NCOR1: variants seen among roughly 807,000 people sequenced by gnomAD.
NCOR1 encodes protein phosphatase 1, regulatory subunit 109.
In NCOR1, 63 loss-of-function variants were observed where a neutral mutation model predicts 288.1. The observed-to-expected ratio is 0.22, with a 90% CI of 0.18 to 0.27. NCOR1 has a LOEUF of 0.27. Among genes scored for constraint, NCOR1 ranks in the 10% least tolerant of loss-of-function variants. The pLI is 1.00. For missense variants in NCOR1, 2,397 were observed against 3,019.2 expected, an observed-to-expected ratio of 0.79 and a Z score of 4.83; for synonymous variants, 1,007 against 1,065.9, an observed-to-expected ratio of 0.94 and a Z score of 1.08.
At chr17:16,213,217 G>A (rs971190484) in intron 1 of NCOR1, among the ~76,000 whole-genome samples, 2 of 151,984 alleles carry the variant, frequency 1.3e-5, no homozygotes, top group Non-Finnish European at 1.5e-5. Flanking sequence ...AATAAGCCAG[G>A]CACGGTGGCT....
intron 1 of NCOR1, among the ~76,000 whole-genome samples, chr17:16,214,293 T>C (rs2092377954): frequency 6.6e-6 from 1 of 152,162 alleles, no homozygotes; most frequent in African/African-American, 2.4e-5. Flanking sequence ...CACAGGACAA[T>C]CACATGTGAC....
rs1421588738 is a variant in NCOR1 at position 16,080,515 on chromosome 17, G to A, written c.3299-6C>T. On this transcript the variant is annotated splice_region_variant and splice_polypyrimidine_tract_variant and intron_variant, in intron 24 of 45. Coordinates refer to ENST00000268712, the MANE Select transcript of NCOR1 (RefSeq NM_006311.4). ...CTTGATGTAGGGCAAAGTAGCTGTGGAAAGGCAGAGAAACATGAAACAATC... is the reference window on the plus strand; with the variant it reads ...CTTGATGTAGGGCAAAGTAGCTGTGAAAAGGCAGAGAAACATGAAACAATC... 2 of 1,613,742 alleles carry A rather than the reference G, an allele frequency of 1.2e-6. No individual in the cohort carries two copies. The highest frequency in any genetic ancestry group is 1.7e-6 in the Non-Finnish European group (2 of 1,179,888).
rs774805849 is a variant in NCOR1 at position 16,101,225 on chromosome 17, G to A, written c.2690+25C>T. On this transcript the variant is annotated intron_variant, in intron 20 of 45. Transcript: ENST00000268712. ...TCACCAACCAGCAGAGTAAGCACGG[G>A]GAGGACTTATGGAACGAGCCTCACC... The A allele has an allele frequency of 1.9e-5, 30 of 1,549,272 alleles. 1 individual carries two copies. The highest frequency in any genetic ancestry group is 2.7e-5 in the African/African-American group (2 of 72,884).
chr17:16,070,595 C>T, intron 30 of NCOR1, 70 bp from the exon 31 acceptor site: 2 of 1,557,302 alleles, frequency 1.3e-6, no homozygotes, highest in East Asian at 4.5e-5. Flanking sequence ...AGGTCTATGT[C>T]TGGCCCATGG....
intron 4 of NCOR1, among the ~76,000 whole-genome samples, chr17:16,170,503 A>G (rs940539902): frequency 4.3e-4 from 65 of 152,280 alleles, no homozygotes; most frequent in African/African-American, 1.5e-3. Context: ...GGCACTTCCT[A>G]ATCTGCAGAA....
Position 16,126,196 on chromosome 17 carries a change from C to A in NCOR1, c.1520G>T (p.Arg507Leu), listed in dbSNP as rs1236163980. The A allele has an allele frequency of 6.6e-7, 1 of 1,512,530 alleles. No individual in the cohort carries two copies. Among genetic ancestry groups the A allele is most frequent in the Non-Finnish European group, 8.8e-7 (1 of 1,135,418 alleles). 93.7% of individuals were successfully genotyped at this position (1,512,530 alleles called of 1,614,324 possible). A position where few individuals can be genotyped will look rare whatever the true frequency, so the allele number is the denominator to read the frequency against. The change falls in exon 15 of 46, where the codon CGA becomes CTA. Residue 507 changes from arginine to leucine, a missense_variant. Coordinates refer to ENST00000268712, the MANE Select transcript of NCOR1 (RefSeq NM_006311.4). ...TTCTACTTTTTCTTCTTGCGAGGGTCGAGCAATTTGCTGCTAGAATGAACC... is the reference window on the plus strand; with the variant it reads ...TTCTACTTTTTCTTCTTGCGAGGGTAGAGCAATTTGCTGCTAGAATGAACC... Reference protein sequence around the residue: ...KRRGRNQQIARPSQEEKVEEK... With the variant: ...KRRGRNQQIALPSQEEKVEEK...
intron 21 of NCOR1, among the ~76,000 whole-genome samples, chr17:16,092,681 ATATATATATATATATTTTTT>A (rs1176431872): frequency 3.0e-4 from 6 of 19,942 alleles, no homozygotes; most frequent in East Asian, 2.9e-3. Flanking sequence ...ATATATATAT[ATATATATATATATATTTTTT>A]TTTTTTTTTT....
At chr17:16,069,435 A>G (rs561122653) in intron 31 of NCOR1, among the ~76,000 whole-genome samples, 1 of 152,308 alleles carries the variant, frequency 6.6e-6, no homozygotes, top group East Asian at 1.9e-4. Context: ...GTACCATGTG[A>G]GCCATCAATA....
At chr17:16,211,644 C>T (rs936690504) in intron 1 of NCOR1, among the ~76,000 whole-genome samples, 6 of 151,902 alleles carry the variant, frequency 3.9e-5, no homozygotes, top group Admixed American at 2.6e-4. Context: ...TAGGAACATT[C>T]GCAGTGTTTC....
chr17:16,169,584 G>GA (rs1043102011), intron 4 of NCOR1, among the ~76,000 whole-genome samples: 1 of 151,984 alleles, frequency 6.6e-6, no homozygotes, highest in African/African-American at 2.4e-5. Flanking sequence ...CACTTTAGGG[G>GA]AAAAAAAGCA....
intron 1 of NCOR1, among the ~76,000 whole-genome samples, chr17:16,213,165 C>A (rs149307002): frequency 9.5e-4 from 144 of 151,428 alleles, no homozygotes; most frequent in African/African-American, 3.3e-3. Flanking sequence ...AGGCAAAACA[C>A]AAATTTTACT....
intron 33 of NCOR1, 145 bp from the exon 34 acceptor site, chr17:16,065,164 TAAGACATTCTTTAAAG>T: frequency 1.2e-6 from 1 of 817,856 alleles, no homozygotes; most frequent in Non-Finnish European, 1.9e-6. Flanking sequence ...CATTACTTTT[TAAGACATTCTTTAAAG>T]AAGGATATTA....
At chr17:16,132,330 A>G (rs1018512509) in intron 14 of NCOR1, among the ~76,000 whole-genome samples, 3 of 152,222 alleles carry the variant, frequency 2.0e-5, no homozygotes, top group Admixed American at 6.5e-5. Context: ...GACTTACCAG[A>G]TGGCAGTTTA....
At chr17:16,208,367 G>A (rs2091802045) in intron 1 of NCOR1, among the ~76,000 whole-genome samples, 1 of 151,454 alleles carries the variant, frequency 6.6e-6, no homozygotes, top group Non-Finnish European at 1.5e-5. Flanking sequence ...CAACCGTTCT[G>A]TATTTCTAAC....
At position 16,092,422 on chromosome 17, in the gene NCOR1, G is replaced by A. The variant is rs770416292; in HGVS notation, c.2821-364C>T. ...GAATCACTTGAGCCTGGGAGGCAGA[G>A]GTTGCAGTGGGCTGAGATTGCACCA... On this transcript the variant is annotated intron_variant, in intron 21 of 45. Transcript: ENST00000268712. Among the ~76,000 whole-genome samples the A allele has an allele frequency of 6.6e-5, 10 of 151,996 alleles. No individual in the cohort carries two copies. In the South Asian group the frequency reaches 1.0e-3, roughly 16 times the overall value.
chr17:16,058,520 C>A lies in NCOR1; in HGVS notation c.5961G>T (p.Glu1987Asp). 1 of 1,614,166 alleles carries A rather than the reference C, an allele frequency of 6.2e-7. No homozygotes were observed. The highest frequency in any genetic ancestry group is 8.5e-7 in the Non-Finnish European group (1 of 1,180,014). Residue 1987 changes from glutamate to aspartate, a missense_variant, in exon 38 of 46, where the codon GAG (glutamate) becomes GAT (aspartate). By Grantham distance (45) the Glu-to-Asp change is conservative. This residue lies in a region of NCOR1 where 1,872 missense variants were observed against 2,187.8 expected (regional missense o/e 0.86). Transcript: ENST00000268712. ...CCTCTGGCTGATAGGTCTGCAGTTT[C>A]TCCTGGGGTGGCGCAGGTGAGCTGG... ...SPASSPAPPQ[E>D]KLQTYQPEVV...
intron 26 of NCOR1, among the ~76,000 whole-genome samples, chr17:16,079,468 A>C (rs888625709): frequency 1.3e-5 from 2 of 152,210 alleles, no homozygotes; most frequent in African/African-American, 2.4e-5. Flanking sequence ...AAATTTTATT[A>C]ATCAAAATTG....
At chr17:16,092,647 T>TTATTTATA (rs1555628451) in intron 21 of NCOR1, among the ~76,000 whole-genome samples, 25 of 32,132 alleles carry the variant, frequency 7.8e-4, no homozygotes, top group Admixed American at 2.4e-3. Context: ...TCAGATCCAT[T>TTATTTATA]TATATATATA....
intron 42 of NCOR1, chr17:16,044,765 A>G (rs1308325203): frequency 1.1e-6 from 1 of 892,126 alleles, no homozygotes; most frequent in Non-Finnish European, 1.9e-6. Flanking sequence ...CTTGTTTGCA[A>G]TGGCCCTGGC....
Sources: gnomAD v4.1 joint callset for allele counts (sites outside exome capture counted in the v4.1 genomes callset) on GRCh38, gnomAD v4.1.1 for gene constraint, gnomAD v4.1.1 regional missense constraint, MANE v1.5 for transcripts, NCBI Gene and HGNC (gene_info 2026-07-23, HGNC 2026-07-21) for gene names.